TRAPPC9: variants seen among roughly 807,000 people sequenced by gnomAD.
The protein encoded by TRAPPC9 is IKK2 binding protein.
In TRAPPC9, 83 loss-of-function variants were observed where a neutral mutation model predicts 124.0. That is an observed-to-expected ratio of 0.67 (90% CI 0.56 to 0.80). TRAPPC9 has a LOEUF of 0.80. Among genes scored for constraint, TRAPPC9 ranks in the 30% least tolerant of loss-of-function variants. The pLI is 0.00. For synonymous variants in TRAPPC9, 638 were observed against 617.5 expected, an observed-to-expected ratio of 1.03 and a Z score of -0.49; for missense variants, 1,302 against 1,508.3, an observed-to-expected ratio of 0.86 and a Z score of 2.27.
Position 139,742,389 on chromosome 8 carries a change from C to A in TRAPPC9, c.3056-10187G>T, listed in dbSNP as rs2130086620. ...CCTCTTTGCTTGCAACGTCCATAAGCCATGAGAACCCTCCAGAACTCCAAG... is the reference window on the plus strand; with the variant it reads ...CCTCTTTGCTTGCAACGTCCATAAGACATGAGAACCCTCCAGAACTCCAAG... On this transcript the variant is annotated intron_variant, in intron 21 of 22. Coordinates refer to ENST00000438773, the MANE Select transcript of TRAPPC9 (RefSeq NM_001160372.4). The surrounding 1 kb of genome is among the most constrained non-coding windows in gnomAD (Gnocchi z 4.7). Among the ~76,000 whole-genome samples, 1 of 152,334 alleles carries A rather than the reference C, an allele frequency of 6.6e-6. No homozygotes were observed. Among genetic ancestry groups the A allele is most frequent in the South Asian group, 2.1e-4 (1 of 4,834 alleles).
At position 140,104,181 on chromosome 8, in the gene TRAPPC9, A is replaced by G. The variant is rs1056590168; in HGVS notation, c.2557-80102T>C. On this transcript the variant is annotated intron_variant, in intron 17 of 22. Transcript: ENST00000438773. The surrounding 1 kb of genome is among the most constrained non-coding windows in gnomAD (Gnocchi z 4.0). The stretch of plus-strand genomic sequence containing the variant: ...GGCAGATCTGTAAACAAAGAATGAC[A>G]GTAGAATACATGTGCTACACTGTAT... 2.6e-5 allele frequency among the ~76,000 whole-genome samples: 4 copies of G among 152,204 alleles called. No homozygotes were observed. The highest frequency in any genetic ancestry group is 6.5e-5 in the Admixed American group (1 of 15,280).
chr8:140,131,911 T>C (rs938423849), intron 17 of TRAPPC9, among the ~76,000 whole-genome samples: 4 of 152,232 alleles, frequency 2.6e-5, no homozygotes, highest in African/African-American at 9.6e-5. Context: ...GTCAGCCCTC[T>C]TCCCAGGGGA....
intron 17 of TRAPPC9, among the ~76,000 whole-genome samples, chr8:140,180,513 TTTCTAA>T (rs2062176330): frequency 6.6e-6 from 1 of 152,116 alleles, no homozygotes; most frequent in African/African-American, 2.4e-5. Context: ...ATTTCTACCA[TTTCTAA>T]TACATTTCAA....
chr8:139,807,597 C>T (rs543319810), intron 21 of TRAPPC9, among the ~76,000 whole-genome samples: 2 of 152,292 alleles, frequency 1.3e-5, no homozygotes, highest in South Asian at 2.1e-4. Flanking sequence ...CAACCACCGG[C>T]GGAGGCACTG....
chr8:140,194,285 C>T (rs1189741452), intron 17 of TRAPPC9, among the ~76,000 whole-genome samples: 1 of 152,038 alleles, frequency 6.6e-6, no homozygotes, highest in Admixed American at 6.6e-5. Context: ...CACAGTCATC[C>T]CCCTCCCTCA....
At chr8:140,365,823 T>C (rs1026889254) in intron 8 of TRAPPC9, among the ~76,000 whole-genome samples, 1 of 152,250 alleles carries the variant, frequency 6.6e-6, no homozygotes, top group African/African-American at 2.4e-5. Flanking sequence ...GTTACACTGG[T>C]AAACGTGTTT....
At chr8:140,399,853 T>C (rs1289594727) in intron 6 of TRAPPC9, among the ~76,000 whole-genome samples, 3 of 152,190 alleles carry the variant, frequency 2.0e-5, no homozygotes, top group African/African-American at 7.2e-5. Flanking sequence ...TCTGACTCTG[T>C]GTCCCCACCC....
chr8:140,213,302 C>T (rs1473566584), intron 17 of TRAPPC9, among the ~76,000 whole-genome samples: 1 of 152,102 alleles, frequency 6.6e-6, no homozygotes. Context: ...GAATTTGTCA[C>T]ATCATCTCAG....
At chr8:140,169,601 G>A (rs954787838) in intron 17 of TRAPPC9, among the ~76,000 whole-genome samples, 6 of 152,104 alleles carry the variant, frequency 3.9e-5, no homozygotes, top group Non-Finnish European at 8.8e-5. Context: ...CGAGAAGGAA[G>A]GAAGCACTGA....
intron 15 of TRAPPC9, among the ~76,000 whole-genome samples, chr8:140,264,220 G>C (rs1436808079): frequency 6.6e-6 from 1 of 152,174 alleles, no homozygotes; most frequent in East Asian, 1.9e-4. Context: ...CTCGGGTCCT[G>C]AGAATTGCAC....
intron 9 of TRAPPC9, among the ~76,000 whole-genome samples, chr8:140,334,198 T>C (rs181667011): frequency 1.8e-4 from 27 of 152,338 alleles, no homozygotes; most frequent in Admixed American, 1.3e-3. Flanking sequence ...AAATCTTGAA[T>C]ATCCACCCTC....
chr8:140,056,858 CAACA>C (rs1842314669), intron 17 of TRAPPC9, among the ~76,000 whole-genome samples: 1 of 152,026 alleles, frequency 6.6e-6, no homozygotes, highest in South Asian at 2.1e-4. Flanking sequence ...ATGAAACAAC[CAACA>C]GAGTGAAAAG....
chr8:139,903,754 T>C (rs530049316), intron 20 of TRAPPC9, among the ~76,000 whole-genome samples: 106 of 152,242 alleles, frequency 7.0e-4, no homozygotes, highest in Non-Finnish European at 1.1e-3. Flanking sequence ...CAACAAACCA[T>C]TTTAGGCTGG....
intron 17 of TRAPPC9, among the ~76,000 whole-genome samples, chr8:140,109,460 G>A (rs150966595): frequency 2.7e-4 from 41 of 152,166 alleles, no homozygotes; most frequent in African/African-American, 9.6e-4. Context: ...AATACGAAGA[G>A]AAAACAGACC....
In TRAPPC9 at chr8:140,195,400, A is replaced by G. The variant is rs1165226020; in HGVS notation, c.2556+26059T>C. Among the ~76,000 whole-genome samples the G allele has an allele frequency of 4.6e-5, 7 of 152,086 alleles. No individual in the cohort carries two copies. In the South Asian group the frequency reaches 1.0e-3, roughly 22 times the overall value. ...GTGATACTAAAACACTCAATGATCC[A>G]TTGTACAGATCGCATCTGTGACACT... On this transcript the variant is annotated intron_variant, in intron 17 of 22. Transcript: ENST00000438773.
intron 18 of TRAPPC9, among the ~76,000 whole-genome samples, chr8:140,014,206 T>C (rs1392148027): frequency 6.6e-6 from 1 of 151,856 alleles, no homozygotes; most frequent in Admixed American, 6.6e-5. Flanking sequence ...TAGATCAGAG[T>C]AGAAATGTCT....
intron 21 of TRAPPC9, among the ~76,000 whole-genome samples, chr8:139,783,262 G>A (rs1563809591): frequency 6.6e-6 from 1 of 152,054 alleles, no homozygotes; most frequent in East Asian, 1.9e-4. Flanking sequence ...TCTTAGAGAA[G>A]CTCAACAGAA....
At chr8:140,296,984 A>C (rs2065821618) in intron 11 of TRAPPC9, among the ~76,000 whole-genome samples, 1 of 152,226 alleles carries the variant, frequency 6.6e-6, no homozygotes, top group Admixed American at 6.5e-5. Flanking sequence ...AGGAGCCCTG[A>C]GGGTGGCCTG....
intron 17 of TRAPPC9, chr8:140,082,268 T>C (rs1445113254): frequency 1.3e-5 from 2 of 151,894 alleles, no homozygotes; most frequent in African/African-American, 4.8e-5. Flanking sequence ...TCCCTAAGAA[T>C]TTAAAGGAAG....
Sources: gnomAD v4.1 joint callset for allele counts (sites outside exome capture counted in the v4.1 genomes callset) on GRCh38, gnomAD v4.1.1 for gene constraint, Gnocchi (gnomAD v3.1) non-coding constraint, MANE v1.5 for transcripts, NCBI Gene and HGNC (gene_info 2026-07-23, HGNC 2026-07-21) for gene names.